The following PRKAA1 variants were observed in gnomAD, a reference collection of about 807,000 sequenced individuals.
The protein encoded by PRKAA1 is protein kinase AMP-activated catalytic subunit alpha 1, also known as 5'-AMP-activated protein kinase catalytic subunit alpha-1.
In PRKAA1, 23 loss-of-function variants were observed where a neutral mutation model predicts 56.9. The ratio of observed to expected loss-of-function variants is 0.40; its 90% CI spans 0.29 to 0.57. The LOEUF is 0.57. Among genes scored for constraint, PRKAA1 ranks in the 20% least tolerant of loss-of-function variants. The pLI is 0.39. For missense variants in PRKAA1, 413 were observed against 679.7 expected, an observed-to-expected ratio of 0.61 and a Z score of 4.36; for synonymous variants, 226 against 227.0, an observed-to-expected ratio of 1.00 and a Z score of 0.04.
chr5:40,790,538 T>TTG (rs1554033606), intron 1 of PRKAA1, among the ~76,000 whole-genome samples: 47 of 145,450 alleles, frequency 3.2e-4, no homozygotes, highest in African/African-American at 7.8e-4. Flanking sequence ...TTTTTTTTTT[T>TTG]TTGTTGTTGT....
At chr5:40,786,784 T>TAA (rs1744505721) in intron 1 of PRKAA1, among the ~76,000 whole-genome samples, 2 of 3,246 alleles carry the variant, frequency 6.2e-4, no homozygotes, top group African/African-American at 2.5e-3. Flanking sequence ...CTACTAAAAA[T>TAA]ACAAAAAAAA....
chr5:40,798,030 C>G, intron 1 of PRKAA1, 33 bp downstream of exon 1: 1 of 1,601,516 alleles, frequency 6.2e-7, no homozygotes, highest in Non-Finnish European at 8.5e-7. Flanking sequence ...GGCTCCTCAG[C>G]TGGGGCCAAG....
Position 40,777,764 on chromosome 5 carries a change from T to C in PRKAA1, c.128-178A>G, listed in dbSNP as rs563527535. On this transcript the variant is annotated intron_variant, in intron 1 of 8. Transcript: ENST00000397128. ...ATCTGGCCAACATGGCAAAACCCCA[T>C]CTCTACTAAAAAATACAAAAATTAA... Among the ~76,000 whole-genome samples the C allele has an allele frequency of 1.1e-4, 17 of 149,674 alleles. No homozygotes were observed. In the South Asian group the frequency reaches 3.2e-3, roughly 28 times the overall value.
chr5:40,790,868 GC>G (rs1396930061), intron 1 of PRKAA1, among the ~76,000 whole-genome samples: 4 of 152,106 alleles, frequency 2.6e-5, no homozygotes, highest in Admixed American at 6.6e-5. Flanking sequence ...TTAAAATATG[GC>G]ATCTAATAGC....
chr5:40,785,914 G>A (rs1744461698), intron 1 of PRKAA1, among the ~76,000 whole-genome samples: 1 of 151,848 alleles, frequency 6.6e-6, no homozygotes, highest in Non-Finnish European at 1.5e-5. Flanking sequence ...CAGAGGCAGA[G>A]ACTGGAGTTA....
rs916435045 is a variant in PRKAA1 at position 40,759,415 on chromosome 5, A to G, written c.*3363T>C. On this transcript the variant is annotated 3_prime_UTR_variant, in exon 9 of 9. Coordinates refer to ENST00000397128, the MANE Select transcript of PRKAA1 (RefSeq NM_006251.6). ...AAATGGAGTTTTTCTTTATTATATC[A>G]TATTTCTAAATCAAGGAAGCTGAAA... 4.6e-5 allele frequency: 7 copies of G among 152,184 alleles called. No individual in the cohort carries two copies. The East Asian group carries it at 9.4e-4, about 20-fold the overall frequency. The allele number at this position is 152,184 out of a possible 1,614,324, so 9.4% of individuals were successfully genotyped here.
chr5:40,790,244 C>G (rs1744659971), intron 1 of PRKAA1: 1 of 152,222 alleles, frequency 6.6e-6, no homozygotes. Flanking sequence ...TTAAAATTAA[C>G]AAGTTAACAG....
At chr5:40,766,385 A>C (rs1743435165) in intron 6 of PRKAA1, among the ~76,000 whole-genome samples, 2 of 152,214 alleles carry the variant, frequency 1.3e-5, no homozygotes. Context: ...AAAGGACCAA[A>C]ATTTCCACAG....
intron 6 of PRKAA1, 88 bp from the exon 7 acceptor site, chr5:40,765,326 A>AATTTAT (rs1743378163): frequency 2.2e-6 from 3 of 1,389,314 alleles, no homozygotes; most frequent in Non-Finnish European, 2.9e-6. Context: ...AATATGACTT[A>AATTTAT]ATTTATATTT....
chr5:40,762,831 T>C lies in PRKAA1; in HGVS notation c.1627A>G (p.Thr543Ala). The stretch of plus-strand genomic sequence containing the variant: ...GCACACATCTCAAAAAATTCTATTG[T>C]GTGACTTCCAGGTCTTGGAGTTAGG... ...VDLTPRPGSH[T>A]IEFFEMCANL... is the part of the protein sequence containing the mutation. Residue 543 changes from threonine to alanine, a missense_variant, in exon 9 of 9, where the codon ACA becomes GCA. Transcript: ENST00000397128. The C allele has an allele frequency of 6.2e-7, 1 of 1,614,186 alleles. No homozygotes were observed. The highest frequency in any genetic ancestry group is 2.2e-5 in the East Asian group (1 of 44,884).
intron 1 of PRKAA1, among the ~76,000 whole-genome samples, chr5:40,781,770 C>T (rs1016950720): frequency 2.6e-5 from 4 of 151,864 alleles, no homozygotes; most frequent in Non-Finnish European, 5.9e-5. Context: ...ATTAAAAGTA[C>T]GATATAACTA....
In PRKAA1 at chr5:40,762,911, G is replaced by C; in HGVS notation, c.1547C>G (p.Ser516Cys). The C allele has an allele frequency of 6.2e-7, 1 of 1,614,138 alleles. No homozygotes were observed. The highest frequency in any genetic ancestry group is 8.5e-7 in the Non-Finnish European group (1 of 1,180,026). Residue 516 changes from serine to cysteine, a missense_variant, in exon 9 of 9, where the codon TCC becomes TGC. Ser to Cys is a moderately radical substitution (Grantham distance 112, BLOSUM62 -1). Transcript: ENST00000397128. ...AGATGAGGTAAGAGAAACTTCTGAG[G>C]ATTTTCCTTGAGCCTCAGCATCTGA... Reference protein sequence around the residue: ...SDSDAEAQGKSSEVSLTSSVT... With the variant: ...SDSDAEAQGKCSEVSLTSSVT...
intron 1 of PRKAA1, among the ~76,000 whole-genome samples, chr5:40,795,675 G>C (rs1290100995): frequency 6.6e-6 from 1 of 152,192 alleles, no homozygotes; most frequent in African/African-American, 2.4e-5. Context: ...GGCAAAGCTA[G>C]ATTTTCTATT....
chr5:40,784,776 A>C (rs1449811803), intron 1 of PRKAA1, among the ~76,000 whole-genome samples: 5 of 152,220 alleles, frequency 3.3e-5, no homozygotes, highest in Non-Finnish European at 7.3e-5. Context: ...TTTTACAGGA[A>C]ACTGAGGCAC....
At chr5:40,796,349 T>C (rs1744929560) in intron 1 of PRKAA1, among the ~76,000 whole-genome samples, 2 of 151,192 alleles carry the variant, frequency 1.3e-5, no homozygotes, top group Non-Finnish European at 3.0e-5. Flanking sequence ...GAAAAAAAAA[T>C]AGACCTGACT....
In PRKAA1 at chr5:40,762,461, C is replaced by A; in HGVS notation, c.*317G>T. 1 of 241,024 alleles carries A rather than the reference C, an allele frequency of 4.1e-6. No individual in the cohort carries two copies. 14.9% of individuals were successfully genotyped at this position (241,024 alleles called of 1,614,324 possible). A position where few individuals can be genotyped will look rare whatever the true frequency, so the allele number is the denominator to read the frequency against. On this transcript the variant is annotated 3_prime_UTR_variant, in exon 9 of 9. Transcript: ENST00000397128. ...ATAACACGTAATAATATATGAAGGC[C>A]TTTATGTAAATTAATATTTCAAAGC...
At chr5:40,791,348 C>G (rs567319140) in intron 1 of PRKAA1, among the ~76,000 whole-genome samples, 1 of 152,186 alleles carries the variant, frequency 6.6e-6, no homozygotes, top group Non-Finnish European at 1.5e-5. Flanking sequence ...ATTTTGGCCA[C>G]GGAAGACTTG....
intron 1 of PRKAA1, among the ~76,000 whole-genome samples, chr5:40,781,943 T>C (rs1003667478): frequency 1.3e-5 from 2 of 152,204 alleles, no homozygotes; most frequent in African/African-American, 4.8e-5. Flanking sequence ...AGCAGCCAAC[T>C]TGACTGTTAA....
At chr5:40,780,376 T>G (rs1744217567) in intron 1 of PRKAA1, among the ~76,000 whole-genome samples, 1 of 152,188 alleles carries the variant, frequency 6.6e-6, no homozygotes, top group Non-Finnish European at 1.5e-5. Context: ...ATATTTGGCT[T>G]TCTCAATACC....
Sources: gnomAD v4.1 joint callset for allele counts (sites outside exome capture counted in the v4.1 genomes callset) on GRCh38, gnomAD v4.1.1 for gene constraint, MANE v1.5 for transcripts, NCBI Gene and HGNC (gene_info 2026-07-23, HGNC 2026-07-21) for gene names.